The following NCOA5 variants were observed in gnomAD, a reference collection of about 807,000 sequenced individuals.
The protein encoded by NCOA5 is NCoA-5.
A neutral mutation model predicts 59.0 loss-of-function variants in NCOA5; 12 were observed. That is an observed-to-expected ratio of 0.20 (90% CI 0.13 to 0.33). NCOA5 has a LOEUF of 0.33. NCOA5 is among the 10% of genes least tolerant of loss of function. The pLI is 1.00. For synonymous variants in NCOA5, 270 were observed against 275.5 expected (o/e 0.98, Z 0.20); for missense variants, 655 against 766.6 (o/e 0.85, Z 1.72).
intron 2 of NCOA5, among the ~76,000 whole-genome samples, chr20:46,078,547 T>C (rs374342507): frequency 2.0e-5 from 3 of 152,198 alleles, no homozygotes; most frequent in East Asian, 3.8e-4. Context: ...ATTAATCCAT[T>C]TGGGCCTTGA....
At chr20:46,076,185 A>C (rs2084936046) in intron 2 of NCOA5, among the ~76,000 whole-genome samples, 1 of 151,896 alleles carries the variant, frequency 6.6e-6, no homozygotes, top group Non-Finnish European at 1.5e-5. Flanking sequence ...TGCCATAGGT[A>C]GTGTTTTTTT....
At chr20:46,068,081 C>T (rs1008181006) in intron 4 of NCOA5, among the ~76,000 whole-genome samples, 2 of 152,076 alleles carry the variant, frequency 1.3e-5, no homozygotes, top group Admixed American at 6.6e-5. Context: ...CAGGTGTGCA[C>T]CACTGCACCA....
intron 3 of NCOA5, among the ~76,000 whole-genome samples, chr20:46,069,504 G>A (rs537448064): frequency 6.6e-6 from 1 of 152,150 alleles, no homozygotes; most frequent in African/African-American, 2.4e-5. Context: ...GGGAAGCCAA[G>A]GCGGGAGGAT....
chr20:46,071,171 C>CAAAAA (rs1329566280), intron 2 of NCOA5, among the ~76,000 whole-genome samples: 1 of 150,038 alleles, frequency 6.7e-6, no homozygotes, highest in African/African-American at 2.5e-5. Flanking sequence ...CAAAACAAAA[C>CAAAAA]AAAAAAACAA....
chr20:46,067,113 G>A lies in NCOA5; in HGVS notation c.571C>T (p.Arg191Cys), dbSNP rs145928713. Residue 191 changes from arginine (R) to cysteine (C), a missense_variant, in exon 5 of 8, where the codon CGC (arginine) becomes TGC (cysteine). By Grantham distance (180) the Arg-to-Cys change is radical. Transcript: ENST00000290231. ...YRQYFEEIQR[R>C]FDAERPVDCS... ...TCAACGGGCCTTTCGGCATCAAAGCGTCTCTGGATTTCCTCAAAATATTGA... is the reference window on the plus strand; with the variant it reads ...TCAACGGGCCTTTCGGCATCAAAGCATCTCTGGATTTCCTCAAAATATTGA... The A allele has an allele frequency of 1.1e-5, 18 of 1,614,006 alleles. No homozygotes were observed. Among genetic ancestry groups the A allele is most frequent in the East Asian group, 6.7e-5 (3 of 44,896 alleles).
chr20:46,065,371 T>C (rs904448835), intron 5 of NCOA5, 143 bp from the exon 6 acceptor site: 7 of 767,276 alleles, frequency 9.1e-6, no homozygotes, highest in African/African-American at 6.9e-5. Flanking sequence ...TCTAGACCAA[T>C]ACTCTCTCTC....
chr20:46,067,238 T>G, intron 4 of NCOA5, 57 bp from the exon 5 acceptor site: 1 of 1,572,826 alleles, frequency 6.4e-7, no homozygotes, highest in Non-Finnish European at 8.6e-7. Flanking sequence ...TTTTAAATCC[T>G]GAGCTACTTG....
At position 46,062,916 on chromosome 20, in the gene NCOA5, G is replaced by A. The variant is rs773516800; in HGVS notation, c.1151-27C>T. 1.4e-5 allele frequency: 21 copies of A among 1,503,566 alleles called. No homozygotes were observed. The East Asian group carries it at 2.0e-4, about 15-fold the overall frequency. The allele number at this position is 1,503,566 out of a possible 1,614,324, so 93.1% of individuals were successfully genotyped here. A position where few individuals can be genotyped will look rare whatever the true frequency, so the allele number is the denominator to read the frequency against. On this transcript the variant is annotated intron_variant, in intron 7 of 7. Coordinates refer to ENST00000290231, the MANE Select transcript of NCOA5 (RefSeq NM_020967.3). ...TGGAAGACAGAAGAGGGAGGTATCT[G>A]GTTCAAAGTACCCCCCAAGGGCAGG...
Position 46,070,251 on chromosome 20 carries a change from G to A in NCOA5, c.324C>T (p.Asp108=). The A allele has an allele frequency of 6.2e-7, 1 of 1,614,076 alleles. No homozygotes were observed. ...DFRDQRDPMY[D]RYRDMRDSRD... ...GGGAGTCTCTCATGTCTCTGTATCTGTCGTACATGGGGTCTCGCTGATCTC... is the reference window on the plus strand; with the variant it reads ...GGGAGTCTCTCATGTCTCTGTATCTATCGTACATGGGGTCTCGCTGATCTC... The change falls in exon 3 of 8, where the codon GAC becomes GAT. Residue 108 remains aspartate, a synonymous_variant. Transcript: ENST00000290231.
intron 2 of NCOA5, among the ~76,000 whole-genome samples, chr20:46,072,804 T>C (rs1489034386): frequency 3.9e-5 from 6 of 152,354 alleles, no homozygotes; most frequent in African/African-American, 9.6e-5. Context: ...TTCACTTTTG[T>C]CATTTATCAC....
chr20:46,084,806 A>G (rs1185385263), intron 1 of NCOA5, among the ~76,000 whole-genome samples: 1 of 152,242 alleles, frequency 6.6e-6, no homozygotes, highest in East Asian at 1.9e-4. Flanking sequence ...CTAAACTACA[A>G]AAAAAGAGTC....
chr20:46,077,083 A>AT (rs963507973), intron 2 of NCOA5, among the ~76,000 whole-genome samples: 10 of 151,904 alleles, frequency 6.6e-5, no homozygotes, highest in African/African-American at 2.4e-4. Context: ...ACGCCCGGCT[A>AT]TTTTTTTGTA....
In NCOA5 at chr20:46,062,461, G is replaced by A. The variant is rs774174774; in HGVS notation, c.1579C>T (p.Pro527Ser). ...AAGTTGATACCTGTGGAAGACACAG[G>A]CCTCTGGCTAGTCATGTTGCTAGCA... Reference protein sequence around the residue: ...APASNMTSQRPVSSTGINFDN... With the variant: ...APASNMTSQRSVSSTGINFDN... Residue 527 changes from proline (P) to serine (S), a missense_variant, in exon 8 of 8, where the codon CCT (proline) becomes TCT (serine). This residue lies in a region of NCOA5 where 325 missense variants were observed against 353.2 expected (regional missense o/e 0.92). Coordinates refer to ENST00000290231, the MANE Select transcript of NCOA5 (RefSeq NM_020967.3). 2.5e-6 allele frequency: 4 copies of A among 1,614,164 alleles called. No individual in the cohort carries two copies. The highest frequency in any genetic ancestry group is 2.5e-6 in the Non-Finnish European group (3 of 1,180,028).
At chr20:46,063,711 T>C (rs2084792592) in intron 6 of NCOA5, 31 bp from the exon 7 acceptor site, 1 of 1,594,464 alleles carries the variant, frequency 6.3e-7, no homozygotes, top group South Asian at 1.1e-5. Flanking sequence ...AGTTATTTTC[T>C]TCCATGACAT....
chr20:46,063,276 T>C (rs1432753933), intron 7 of NCOA5, 84 bp downstream of exon 7: 26 of 1,435,578 alleles, frequency 1.8e-5, no homozygotes, highest in Non-Finnish European at 2.2e-5. Context: ...CAAAGAGCCC[T>C]GGGCCTGACA....
In NCOA5 at chr20:46,070,366, C is replaced by T. The variant is rs753161501; in HGVS notation, c.209G>A (p.Arg70Gln). Residue 70 changes from arginine to glutamine, a missense_variant, in exon 3 of 8, where the codon CGG (arginine) becomes CAG (glutamine). Physicochemically the swap from Arg to Gln is conservative, Grantham distance 43. This residue lies in a region of NCOA5 where 250 missense variants were observed against 260.1 expected (regional missense o/e 0.96). Coordinates refer to ENST00000290231, the MANE Select transcript of NCOA5 (RefSeq NM_020967.3). ...CACACTCCTGCTGTCTCTGTGATCC[C>T]GCAAATCTCTACTATGTCTGTGGTC... Reference protein sequence around the residue: ...LRDHRHSRDLRDHRDSRSVRD... With the variant: ...LRDHRHSRDLQDHRDSRSVRD... 14 of 1,613,614 alleles carry T rather than the reference C, an allele frequency of 8.7e-6. No homozygotes were observed. Among genetic ancestry groups the T allele is most frequent in the East Asian group, 2.2e-5 (1 of 44,850 alleles).
In NCOA5 at chr20:46,065,272, C is replaced by G. The variant is rs542191444; in HGVS notation, c.630-44G>C. On this transcript the variant is annotated intron_variant, in intron 5 of 7. Coordinates refer to ENST00000290231, the MANE Select transcript of NCOA5 (RefSeq NM_020967.3). ...TCCAGGTGAGCGACCAACTCCAAAT[C>G]TGCATCGTGTGTCTCAAGCCAGTTG... 3.5e-5 allele frequency: 56 copies of G among 1,590,946 alleles called. 2 individuals carry two copies. The South Asian group carries it at 5.5e-4, about 16-fold the overall frequency.
chr20:46,080,017 AATTATT>A (rs1202428037), intron 1 of NCOA5, among the ~76,000 whole-genome samples: 2 of 152,148 alleles, frequency 1.3e-5, no homozygotes, highest in African/African-American at 4.8e-5. Context: ...CAGGAAAGAA[AATTATT>A]ATTATTATTT....
chr20:46,062,313 T>A lies in NCOA5; in HGVS notation c.1727A>T (p.Gln576Leu), dbSNP rs368788504. 8 of 1,612,816 alleles carry A rather than the reference T, an allele frequency of 5.0e-6. No homozygotes were observed. The African/African-American group carries it at 1.1e-4, about 22-fold the overall frequency. The stretch of plus-strand genomic sequence containing the variant: ...AAAGATTTAGCTTCAGTAATGCCTC[T>A]GGTAAGATCCCATGGGGGCCTGTGG... ...GQPQAPMGSYQRHY is the reference protein window; with the variant it reads ...GQPQAPMGSYLRHY Residue 576 changes from glutamine (Q) to leucine (L), a missense_variant, in exon 8 of 8, where the codon CAG becomes CTG. Gln to Leu is a moderately radical substitution (Grantham distance 113). Around this residue, in one of 3 missense-constraint regions of NCOA5, gnomAD observed 325 missense variants for 353.2 expected, o/e 0.92. Transcript: ENST00000290231.
Sources: allele counts gnomAD v4.1 joint callset (sites outside exome capture counted in the v4.1 genomes callset), GRCh38; gene constraint gnomAD v4.1.1; regional missense constraint gnomAD v4.1.1; transcripts MANE v1.5; gene names NCBI Gene and HGNC (gene_info 2026-07-23, HGNC 2026-07-21).